Variants in DACT1 observed in about 807,000 individuals in gnomAD.
The protein encoded by DACT1 is dapper homolog 1.
Under a neutral mutation model 35.3 loss-of-function variants are expected in DACT1, and 19 were observed. The ratio of observed to expected loss-of-function variants is 0.54; its 90% CI spans 0.38 to 0.79. The LOEUF (loss-of-function observed/expected upper bound fraction) is 0.79. Ranked by LOEUF, DACT1 falls within the 30% of genes least tolerant of loss-of-function variation. The pLI, the probability that DACT1 is intolerant of heterozygous loss-of-function variation, is 0.00. For synonymous variants in DACT1, 545 were observed against 466.7 expected, an observed-to-expected ratio of 1.17 and a Z score of -2.16; for missense variants, 1,143 against 1,057.5, an observed-to-expected ratio of 1.08 and a Z score of -1.12.
Position 58,646,616 on chromosome 14 carries a change from G to A in DACT1, c.1882G>A (p.Val628Met), listed in dbSNP as rs750235655. The A allele has an allele frequency of 3.1e-6, 5 of 1,605,982 alleles. No homozygotes were observed. Among genetic ancestry groups the A allele is most frequent in the Non-Finnish European group, 3.4e-6 (4 of 1,176,618 alleles). ...GGCGCATGGCCACGGACGGGAGGCGGTGGTGGCCAAACCTAAGCACAAGCG... is the reference window on the plus strand; with the variant it reads ...GGCGCATGGCCACGGACGGGAGGCGATGGTGGCCAAACCTAAGCACAAGCG... ...SRAHGHGREAVVAKPKHKRTD... is the reference protein window; with the variant it reads ...SRAHGHGREAMVAKPKHKRTD... Residue 628 changes from valine (V) to methionine (M), a missense_variant, in exon 4 of 4, where the codon GTG (valine) becomes ATG (methionine). Physicochemically the swap from Val to Met is conservative, Grantham distance 21. Around this residue, in one of 3 missense-constraint regions of DACT1, gnomAD observed 1,054 missense variants for 958.8 expected, o/e 1.10. Coordinates refer to ENST00000395153, the MANE Select transcript of DACT1 (RefSeq NM_001079520.2).
chr14:58,635,439 A>T (rs2047567028), upstream of DACT1, among the ~76,000 whole-genome samples: 2 of 152,234 alleles, frequency 1.3e-5, no homozygotes, highest in African/African-American at 4.8e-5. Flanking sequence ...TTCTAACTTC[A>T]TTTGACAGCC....
intron 2 of DACT1, among the ~76,000 whole-genome samples, chr14:58,641,255 T>C (rs1197219652): frequency 6.6e-6 from 1 of 151,954 alleles, no homozygotes; most frequent in Non-Finnish European, 1.5e-5. Flanking sequence ...TAGATTTTTC[T>C]CTTATTATTG....
chr14:58,634,266 T>C (rs1409365646), upstream of DACT1: 1 of 152,234 alleles, frequency 6.6e-6, no homozygotes, highest in Non-Finnish European at 1.5e-5. Context: ...TTTCATAGCC[T>C]TTCAAACAAG....
At position 58,648,173 on chromosome 14, in the gene DACT1, T is replaced by A. The variant is rs1192662470; in HGVS notation, c.*1039T>A. On this transcript the variant is annotated 3_prime_UTR_variant, in exon 4 of 4. Coordinates refer to ENST00000395153, the MANE Select transcript of DACT1 (RefSeq NM_001079520.2). ...AGTAGTACTTGTGTTGATACTCCTGTTGATGTTAAATTACTATATAATATA... is the reference window on the plus strand; with the variant it reads ...AGTAGTACTTGTGTTGATACTCCTGATGATGTTAAATTACTATATAATATA... The A allele has an allele frequency of 1.2e-5, 2 of 167,114 alleles. No individual in the cohort carries two copies. The highest frequency in any genetic ancestry group is 2.9e-5 in the Non-Finnish European group (2 of 68,128). The allele number at this position is 167,114 out of a possible 1,614,324, so 10.4% of individuals were successfully genotyped here. A position where few individuals can be genotyped will look rare whatever the true frequency, so the allele number is the denominator to read the frequency against.
intron 3 of DACT1, among the ~76,000 whole-genome samples, chr14:58,643,943 C>A (rs1482667565): frequency 6.6e-6 from 1 of 152,082 alleles, no homozygotes; most frequent in Non-Finnish European, 1.5e-5. Context: ...CTTTACATAT[C>A]ATCTCTGGGT....
rs1316063652 is a variant in DACT1, at chr14:58,639,332, G to T, written c.345+785G>T. The stretch of plus-strand genomic sequence containing the variant: ...CTATGCAGTCTTCATTAATGGGGAA[G>T]AAAAAGAACTTTGTAGCTTAATGTA... On this transcript the variant is annotated intron_variant, in intron 1 of 3. Coordinates refer to ENST00000395153, the MANE Select transcript of DACT1 (RefSeq NM_001079520.2). The T allele has an allele frequency of 7.7e-6, 7 of 908,644 alleles. No individual in the cohort carries two copies. In the South Asian group the frequency reaches 2.0e-4, roughly 26 times the overall value. The allele number at this position is 908,644 out of a possible 1,614,324, so 56.3% of individuals were successfully genotyped here. A position where few individuals can be genotyped will look rare whatever the true frequency, so the allele number is the denominator to read the frequency against.
chr14:58,641,078 T>C (rs1345277443), intron 2 of DACT1, among the ~76,000 whole-genome samples: 2 of 152,214 alleles, frequency 1.3e-5, no homozygotes, highest in South Asian at 2.1e-4. Context: ...TCAATGTGAT[T>C]GGAGTCCCCC....
chr14:58,638,016 C>G lies in DACT1; in HGVS notation c.-187C>G, dbSNP rs906996010. The G allele has an allele frequency of 4.3e-6, 2 of 462,204 alleles. No homozygotes were observed. The highest frequency in any genetic ancestry group is 4.1e-5 in the African/African-American group (2 of 48,252). The allele number at this position is 462,204 out of a possible 1,614,324, so 28.6% of individuals were successfully genotyped here. A position where few individuals can be genotyped will look rare whatever the true frequency, so the allele number is the denominator to read the frequency against. On this transcript the variant is annotated 5_prime_UTR_variant, in exon 1 of 4. Coordinates refer to ENST00000395153, the MANE Select transcript of DACT1 (RefSeq NM_001079520.2). Reference sequence around the variant, plus strand: ...CGCGCGGCGACAGCGGACGGCGCTGCCCGGGCCGGGACAGCAGCAGCCGGC... The same window carrying G: ...CGCGCGGCGACAGCGGACGGCGCTGGCCGGGCCGGGACAGCAGCAGCCGGC...
upstream of DACT1, among the ~76,000 whole-genome samples, chr14:58,636,121 C>T (rs1399177047): frequency 6.6e-6 from 1 of 152,160 alleles, no homozygotes; most frequent in East Asian, 1.9e-4. Context: ...ATTTTTAGAG[C>T]TAATATACAA....
Position 58,641,684 on chromosome 14 carries a change from A to G in DACT1, c.571A>G (p.Thr191Ala). ...GTGTTTATCCAGTTGTCATTCCAGC[A>G]CCTGCTTTTGCAGCCCCTTGGAGGC... is the stretch of plus-strand genomic sequence containing the variant. The part of the protein sequence containing the change: ...SECLSSCHSS[T>A]CFCSPLEATL... Residue 191 changes from threonine to alanine, a missense_variant, in exon 3 of 4, where the codon ACC becomes GCC. Physicochemically the swap from Thr to Ala is moderately conservative, Grantham distance 58. Around this residue, in one of 3 missense-constraint regions of DACT1, gnomAD observed 1,054 missense variants for 958.8 expected, o/e 1.10. Transcript: ENST00000395153. 1 of 1,614,164 alleles carries G rather than the reference A, an allele frequency of 6.2e-7. No homozygotes were observed. Among genetic ancestry groups the G allele is most frequent in the Non-Finnish European group, 8.5e-7 (1 of 1,180,040 alleles).
chr14:58,639,029 G>C, intron 1 of DACT1: 3 of 985,414 alleles, frequency 3.0e-6, no homozygotes, highest in Non-Finnish European at 3.6e-6. Flanking sequence ...CGAGTTTTAC[G>C]ATTACACTGG....
At position 58,638,171 on chromosome 14, in the gene DACT1, C is replaced by T; in HGVS notation, c.-32C>T. 7.8e-7 allele frequency: 1 copy of T among 1,276,384 alleles called. No homozygotes were observed. The highest frequency in any genetic ancestry group is 9.9e-7 in the Non-Finnish European group (1 of 1,012,062). 79.1% of individuals were successfully genotyped at this position (1,276,384 alleles called of 1,614,324 possible). A position where few individuals can be genotyped will look rare whatever the true frequency, so the allele number is the denominator to read the frequency against. ...CTCCTCCGCCTGGGCGGCCCGGCTG[C>T]GGTGACGGCTCTCGCTGCCCGACTG... On this transcript the variant is annotated 5_prime_UTR_variant, in exon 1 of 4. Coordinates refer to ENST00000395153, the MANE Select transcript of DACT1 (RefSeq NM_001079520.2).
chr14:58,646,059 C>T lies in DACT1; in HGVS notation c.1325C>T (p.Ala442Val). 6.2e-7 allele frequency: 1 copy of T among 1,614,016 alleles called. No homozygotes were observed. The highest frequency in any genetic ancestry group is 8.5e-7 in the Non-Finnish European group (1 of 1,179,976). The change falls in exon 4 of 4, where the codon GCT (alanine) becomes GTT (valine). Residue 442 changes from alanine (A) to valine (V), a missense_variant. By Grantham distance (64) the Ala-to-Val change is moderately conservative. Around this residue, in one of 3 missense-constraint regions of DACT1, gnomAD observed 1,054 missense variants for 958.8 expected, o/e 1.10. Transcript: ENST00000395153. ...ACAGGGGAGTCCCCTAAGGAAAGCG[C>T]TCAGCTCTCAGGGGCCTCTCCAAAA... is the stretch of plus-strand genomic sequence containing the variant. ...IGTGESPKES[A>V]QLSGASPKES... is the part of the protein sequence containing the mutation.
rs2047620023 is a variant in DACT1 at position 58,640,849 on chromosome 14, A to C, written c.459A>C (p.Thr153=). 1 of 1,614,214 alleles carries C rather than the reference A, an allele frequency of 6.2e-7. No homozygotes were observed. The highest frequency in any genetic ancestry group is 1.7e-5 in the Admixed American group (1 of 60,030). ...AGACATCTGAAGAGCACCTGGAGAC[A>C]GACAGTCGGCCTAGCTCAGGTGAGT... ...VEKTSEEHLE[T]DSRPSSGFYE... The change falls in exon 2 of 4, where the codon ACA becomes ACC. Residue 153 remains threonine, a synonymous_variant. Transcript: ENST00000395153.
chr14:58,635,202 C>G (rs754598585), upstream of DACT1, among the ~76,000 whole-genome samples: 2 of 152,138 alleles, frequency 1.3e-5, no homozygotes, highest in Non-Finnish European at 2.9e-5. Flanking sequence ...AGTGAGATTC[C>G]GTTGGCAACA....
intron 3 of DACT1, 117 bp from the exon 4 acceptor site, chr14:58,645,252 T>C: frequency 6.2e-7 from 1 of 1,611,650 alleles, no homozygotes; most frequent in Non-Finnish European, 8.5e-7. Context: ...TTTAACTGTT[T>C]TTCAGATCTC....
At chr14:58,635,779 CT>C (rs1030287673), upstream of DACT1, among the ~76,000 whole-genome samples, 6 of 152,024 alleles carry the variant, frequency 3.9e-5, no homozygotes, top group African/African-American at 1.2e-4. Context: ...TGTGTTTCAG[CT>C]TTTTTTCCCC....
chr14:58,638,626 G>A, intron 1 of DACT1, 79 bp downstream of exon 1: 1 of 1,261,606 alleles, frequency 7.9e-7, no homozygotes, highest in Non-Finnish European at 1.0e-6. Context: ...GGGCGGGCGC[G>A]AGGTTGACTC....
chr14:58,645,224 A>G (rs1032550091), intron 3 of DACT1, 145 bp from the exon 4 acceptor site: 2 of 1,571,702 alleles, frequency 1.3e-6, no homozygotes, highest in South Asian at 2.2e-5. Flanking sequence ...TGACCAATTC[A>G]TTTCTTCAGA....
Sources: gnomAD v4.1 joint callset for allele counts (sites outside exome capture counted in the v4.1 genomes callset) on GRCh38, gnomAD v4.1.1 for gene constraint, gnomAD v4.1.1 regional missense constraint, MANE v1.5 for transcripts, NCBI Gene and HGNC (gene_info 2026-07-23, HGNC 2026-07-21) for gene names.